RHOF: variants seen among roughly 807,000 people sequenced by gnomAD.
The protein encoded by RHOF is ras homolog family member F, filopodia associated.
A neutral mutation model predicts 22.2 loss-of-function variants in RHOF; 21 were observed. The observed-to-expected ratio is 0.95, with a 90% CI of 0.67 to 1.36. RHOF has a LOEUF of 1.36. Among genes scored for constraint, RHOF ranks in the 40% most tolerant of loss-of-function variants. The pLI is 0.00. For synonymous variants in RHOF, 135 were observed against 131.2 expected, an observed-to-expected ratio of 1.03 and a Z score of -0.20; for missense variants, 285 against 293.7, an observed-to-expected ratio of 0.97 and a Z score of 0.22.
In RHOF at chr12:121,781,179, A is replaced by T. The variant is rs1382771092; in HGVS notation, c.240T>A (p.Tyr80Ter). 6.2e-7 allele frequency: 1 copy of T among 1,614,230 alleles called. No homozygotes were observed. The highest frequency in any genetic ancestry group is 8.5e-7 in the Non-Finnish European group (1 of 1,180,020). The part of the protein sequence containing the change: ...NLYDTAGQED[Y>*]DRLRPLSYQN... ...GGTAGGACAGGGGCCGCAGCCGGTC[A>T]TAGTCTTCTTGCCCTGAAAGCACAG... The change falls in exon 3 of 5, where the codon TAT becomes TAA. Residue 80 changes from tyrosine (Y) to a stop codon, truncating the protein, a stop_gained. Coordinates refer to ENST00000267205, the MANE Select transcript of RHOF (RefSeq NM_019034.3). LOFTEE classifies it high-confidence loss of function.
At chr12:121,781,509 G>A (rs1006708140) in intron 2 of RHOF, 7 of 318,708 alleles carry the variant, frequency 2.2e-5, no homozygotes, top group African/African-American at 1.3e-4. Flanking sequence ...CCCCAGTCCT[G>A]GATGGTGGTA....
intron 2 of RHOF, among the ~76,000 whole-genome samples, chr12:121,789,043 G>T: frequency 6.6e-6 from 1 of 152,122 alleles, no homozygotes; most frequent in Non-Finnish European, 1.5e-5. Flanking sequence ...GGCCCATCCA[G>T]CCTCTGCAGA....
chr12:121,779,570 G>T lies in RHOF; in HGVS notation c.564C>A (p.Ala188=). The change falls in exon 5 of 5, where the codon GCC becomes GCA. Residue 188 remains alanine (A), a synonymous_variant. Coordinates refer to ENST00000267205, the MANE Select transcript of RHOF (RefSeq NM_019034.3). Reference sequence around the variant, plus strand: ...TCAGAGCGCTGAGAGCCACCTTGGCGGCCTCCCGGAAGACGTCCTCCACAT... The same window carrying T: ...TCAGAGCGCTGAGAGCCACCTTGGCTGCCTCCCGGAAGACGTCCTCCACAT... The part of the protein sequence containing the change: ...RENVEDVFRE[A]AKVALSALKK... 2 of 1,614,116 alleles carry T rather than the reference G, an allele frequency of 1.2e-6. No homozygotes were observed. The highest frequency in any genetic ancestry group is 1.7e-6 in the Non-Finnish European group (2 of 1,180,026).
chr12:121,793,435 G>A, intron 1 of RHOF, 61 bp downstream of exon 1: 1 of 1,527,566 alleles, frequency 6.5e-7, no homozygotes, highest in Non-Finnish European at 8.8e-7. Flanking sequence ...GAGGGTCGGG[G>A]CTCTGGGCTC....
At chr12:121,793,311 C>T in intron 1 of RHOF, 72 bp from the exon 2 acceptor site, 1 of 1,462,020 alleles carries the variant, frequency 6.8e-7, no homozygotes, top group Non-Finnish European at 9.4e-7. Flanking sequence ...AATCCACTGT[C>T]CACCCCCCTC....
rs199907375 is a variant in RHOF, at chr12:121,781,191, C to T, written c.228G>A (p.Gly76=). ...GCCGCAGCCGGTCATAGTCTTCTTG[C>T]CCTGAAAGCACAGAGCAGCGGGGGT... ...EVTLNLYDTA[G]QEDYDRLRPL... The change falls in exon 3 of 5, where the codon GGG becomes GGA. Residue 76 remains glycine (G), a splice_region_variant and synonymous_variant. Transcript: ENST00000267205. 1.3e-5 allele frequency: 21 copies of T among 1,613,968 alleles called. No homozygotes were observed. Among genetic ancestry groups the T allele is most frequent in the African/African-American group, 4.0e-5 (3 of 74,928 alleles).
chr12:121,792,973 G>A (rs958449080), intron 2 of RHOF, among the ~76,000 whole-genome samples, 179 bp downstream of exon 2: 6 of 152,240 alleles, frequency 3.9e-5, no homozygotes, highest in Admixed American at 6.5e-5. Context: ...TTCCACTTAC[G>A]TATAGGGCTT....
chr12:121,784,343 G>A (rs1040654988), intron 2 of RHOF, among the ~76,000 whole-genome samples: 1 of 110,848 alleles, frequency 9.0e-6, no homozygotes, highest in Admixed American at 8.1e-5. Context: ...TCAGGATTTT[G>A]AGACCAGTCT....
intron 2 of RHOF, among the ~76,000 whole-genome samples, chr12:121,792,892 G>GGAAC (rs1255022421): frequency 5.3e-5 from 8 of 152,250 alleles, no homozygotes; most frequent in African/African-American, 1.9e-4. Flanking sequence ...CCACAGGAGA[G>GGAAC]GAACGAGCTG....
At chr12:121,788,865 G>A (rs1372995644) in intron 2 of RHOF, among the ~76,000 whole-genome samples, 1 of 152,150 alleles carries the variant, frequency 6.6e-6, no homozygotes, top group African/African-American at 2.4e-5. Flanking sequence ...GAAACTTCCA[G>A]GAGAAGTTAA....
At position 121,783,237 on chromosome 12, in the gene RHOF, A is replaced by G. The variant is rs542633918; in HGVS notation, c.227-2045T>C. On this transcript the variant is annotated intron_variant, in intron 2 of 4. Transcript: ENST00000267205. ...CTTTGATGAATCCATTATCCACCTG[A>G]CAGCTGGATGGATCTTAAAACACAA... 2.0e-5 allele frequency among the ~76,000 whole-genome samples: 3 copies of G among 147,346 alleles called. No homozygotes were observed. In the South Asian group the frequency reaches 6.5e-4, roughly 32 times the overall value.
chr12:121,789,353 G>T (rs1231783493), intron 2 of RHOF, among the ~76,000 whole-genome samples: 1 of 152,176 alleles, frequency 6.6e-6, no homozygotes, highest in African/African-American at 2.4e-5. Flanking sequence ...CGTGCACTCA[G>T]GCGGTGCGGC....
rs1484525434 is a variant in RHOF at position 121,779,668 on chromosome 12, TG to T, written c.472-7del. 6.2e-7 allele frequency: 1 copy of T among 1,613,256 alleles called. No homozygotes were observed. ...TGTTCGCAGGCGCTCAGGCCCTGGG[TG>T]GGGGGAGGAGCCAGCATTAGGTGAG... On this transcript the variant is annotated splice_polypyrimidine_tract_variant and splice_region_variant and intron_variant, in intron 4 of 4. Transcript: ENST00000267205.
At chr12:121,779,688 A>G (rs1021762427) in intron 4 of RHOF, 26 bp from the exon 5 acceptor site, 2 of 1,612,394 alleles carry the variant, frequency 1.2e-6, no homozygotes, top group Admixed American at 1.7e-5. Flanking sequence ...AGCCAGCATT[A>G]GGTGAGGGGC....
chr12:121,793,466 C>T, intron 1 of RHOF, 30 bp downstream of exon 1: 1 of 1,538,284 alleles, frequency 6.5e-7, no homozygotes, highest in Non-Finnish European at 8.7e-7. Context: ...GCGTCCCTCG[C>T]CCCCACCCCA....
At chr12:121,783,678 C>T (rs1370631882) in intron 2 of RHOF, among the ~76,000 whole-genome samples, 3 of 152,198 alleles carry the variant, frequency 2.0e-5, no homozygotes. Context: ...GATGGGGTTT[C>T]TCCATGTTGG....
chr12:121,793,626 G>T lies in RHOF; in HGVS notation c.8C>A (p.Ala3Asp). The change falls in exon 1 of 5, where the codon GCC (alanine) becomes GAC (aspartate). Residue 3 changes from alanine to aspartate, a missense_variant. Transcript: ENST00000267205. MD[A>D]PGALAQTAAP... The stretch of plus-strand genomic sequence containing the variant: ...GGCGGTCTGGGCCAGGGCCCCGGGG[G>T]CATCCATTGCCCGGAGCCCGCAGCA... 6.5e-7 allele frequency: 1 copy of T among 1,541,154 alleles called. No individual in the cohort carries two copies. The highest frequency in any genetic ancestry group is 8.7e-7 in the Non-Finnish European group (1 of 1,149,694).
intron 4 of RHOF, chr12:121,780,236 T>C (rs1874399986): frequency 6.4e-6 from 1 of 156,846 alleles, no homozygotes; most frequent in South Asian, 1.9e-4. Context: ...GTTGTATTTT[T>C]AGTAGAGATG....
At chr12:121,783,971 C>T (rs562534489) in intron 2 of RHOF, among the ~76,000 whole-genome samples, 21 of 152,222 alleles carry the variant, frequency 1.4e-4, no homozygotes, top group Non-Finnish European at 2.1e-4. Context: ...CTGCCACACC[C>T]GCTTGCTCAC....
Sources: allele counts gnomAD v4.1 joint callset (sites outside exome capture counted in the v4.1 genomes callset), GRCh38; gene constraint gnomAD v4.1.1; transcripts MANE v1.5; gene names NCBI Gene and HGNC (gene_info 2026-07-23, HGNC 2026-07-21).